The following LRMDA variants were observed in gnomAD, a reference collection of about 807,000 sequenced individuals.
LRMDA encodes the protein leucine rich melanocyte differentiation associated, also known as leucine-rich melanocyte differentiation-associated protein.
In LRMDA, 18 loss-of-function variants were observed where a neutral mutation model predicts 29.8. The ratio of observed to expected loss-of-function variants is 0.60; its 90% CI spans 0.42 to 0.90. The LOEUF is 0.90. Among genes scored for constraint, LRMDA ranks in the 40% least tolerant of loss-of-function variants. The pLI is 0.00. For missense variants in LRMDA, 273 were observed against 273.9 expected (o/e 1.00, Z 0.02); for synonymous variants, 125 against 109.4 (o/e 1.14, Z -0.89).
chr10:76,091,161 G>GT (rs1849224298), intron 5 of LRMDA, among the ~76,000 whole-genome samples: 1 of 152,138 alleles, frequency 6.6e-6, no homozygotes, highest in Admixed American at 6.5e-5. Flanking sequence ...AATATCTGCT[G>GT]TAAGGGTTGT....
intron 5 of LRMDA, among the ~76,000 whole-genome samples, chr10:76,193,780 A>C (rs1391689210): frequency 6.6e-6 from 1 of 152,102 alleles, no homozygotes; most frequent in Non-Finnish European, 1.5e-5. Context: ...GGCCCTAGGG[A>C]GTCAGAGATC....
chr10:76,363,171 A>AGGGAGGG (rs1564520638), intron 6 of LRMDA, among the ~76,000 whole-genome samples: 15 of 32,548 alleles, frequency 4.6e-4, no homozygotes, highest in Non-Finnish European at 8.8e-4. Context: ...GAAAGAAAGA[A>AGGGAGGG]AGAAAGGAGG....
chr10:75,881,850 G>C (rs745824118), intron 2 of LRMDA, among the ~76,000 whole-genome samples: 1 of 152,106 alleles, frequency 6.6e-6, no homozygotes, highest in African/African-American at 2.4e-5. Context: ...TGCGCATTTT[G>C]TCCAATTCTT....
At chr10:76,128,764 G>A (rs1272241098) in intron 5 of LRMDA, among the ~76,000 whole-genome samples, 2 of 152,164 alleles carry the variant, frequency 1.3e-5, no homozygotes, top group Non-Finnish European at 2.9e-5. Context: ...GACCTTTTTG[G>A]TTGACACAAT....
rs114396140 is a variant in LRMDA, at chr10:76,072,431, T to C, written c.516+13648T>C. Among the ~76,000 whole-genome samples the C allele has an allele frequency of 2.0e-3, 302 of 152,262 alleles. 5 individuals are homozygous for C. The highest frequency in any genetic ancestry group is 7.1e-3 in the African/African-American group (295 of 41,538). ...ACATCTGACACCAGTGCTTGGCACA[T>C]AGTAGGTGCTCAGTAAAGAGAAACA... is the stretch of plus-strand genomic sequence containing the variant. On this transcript the variant is annotated intron_variant, in intron 5 of 6. Transcript: ENST00000611255.
intron 2 of LRMDA, among the ~76,000 whole-genome samples, chr10:75,651,518 A>T (rs1408520908): frequency 6.6e-6 from 1 of 152,212 alleles, no homozygotes; most frequent in Non-Finnish European, 1.5e-5. Flanking sequence ...TTCTCTGGAC[A>T]CTCAAGGAAA....
chr10:76,471,797 T>C (rs1485865251), intron 6 of LRMDA, among the ~76,000 whole-genome samples: 1 of 151,626 alleles, frequency 6.6e-6, no homozygotes, highest in Admixed American at 6.6e-5. Context: ...AAAAATAGAC[T>C]TTAAGACAGA....
At chr10:76,294,783 A>C (rs1424846700) in intron 5 of LRMDA, among the ~76,000 whole-genome samples, 1 of 152,224 alleles carries the variant, frequency 6.6e-6, no homozygotes, top group Non-Finnish European at 1.5e-5. Context: ...GCAGTGTTTC[A>C]AATCAAAGGC....
At chr10:75,534,361 A>G (rs966994846) in intron 2 of LRMDA, among the ~76,000 whole-genome samples, 1 of 152,168 alleles carries the variant, frequency 6.6e-6, no homozygotes, top group Non-Finnish European at 1.5e-5. Flanking sequence ...GTACTTTAAA[A>G]CAGAAGTTAA....
chr10:76,015,316 G>T (rs1847862341), intron 2 of LRMDA, among the ~76,000 whole-genome samples: 1 of 152,244 alleles, frequency 6.6e-6, no homozygotes, highest in South Asian at 2.1e-4. Flanking sequence ...GAACAGGGCT[G>T]CAGTCCTGTC....
chr10:76,144,886 A>G (rs1160711077), intron 5 of LRMDA, among the ~76,000 whole-genome samples: 1 of 152,170 alleles, frequency 6.6e-6, no homozygotes, highest in Non-Finnish European at 1.5e-5. Context: ...TAATTTATTG[A>G]GAGTTTTTAG....
chr10:76,380,396 A>C (rs1177645106), intron 6 of LRMDA, among the ~76,000 whole-genome samples: 1 of 152,180 alleles, frequency 6.6e-6, no homozygotes, highest in African/African-American at 2.4e-5. Flanking sequence ...TAGGCCAGGC[A>C]TGATGGCTCA....
chr10:76,517,144 G>C (rs577225141), intron 6 of LRMDA, among the ~76,000 whole-genome samples: 1 of 152,188 alleles, frequency 6.6e-6, no homozygotes, highest in Non-Finnish European at 1.5e-5. Flanking sequence ...ACAAATCAAA[G>C]TTCCAGGAAG....
At chr10:76,378,000 A>C (rs4746389) in intron 6 of LRMDA, among the ~76,000 whole-genome samples, 1 of 151,842 alleles carries the variant, frequency 6.6e-6, no homozygotes, top group Non-Finnish European at 1.5e-5. Flanking sequence ...ACAATATTTG[A>C]CTTTTTAATC....
In LRMDA at chr10:76,052,824, TCACCCCCACCCCTCAC is replaced by T. The variant is rs572135683; in HGVS notation, c.398+5530_398+5545del. Among the ~76,000 whole-genome samples the T allele has an allele frequency of 5.3e-5, 8 of 152,150 alleles. No homozygotes were observed. The East Asian group carries it at 1.6e-3, about 30-fold the overall frequency. On this transcript the variant is annotated intron_variant, in intron 4 of 6. Transcript: ENST00000611255. The stretch of plus-strand genomic sequence containing the variant: ...TCTCAGCCAAGAGCACCTCTGACTC[TCACCCCCACCCCTCAC>T]CACCCCCAGCCTTGGGGGCTTTCCC...
At chr10:76,370,571 C>T (rs1019707575) in intron 6 of LRMDA, among the ~76,000 whole-genome samples, 55 of 152,194 alleles carry the variant, frequency 3.6e-4, no homozygotes, top group Admixed American at 4.6e-4. Context: ...CAGTTACCCA[C>T]GATCAACTGC....
intron 6 of LRMDA, among the ~76,000 whole-genome samples, chr10:76,486,425 T>C (rs1486607625): frequency 6.6e-6 from 1 of 151,976 alleles, no homozygotes; most frequent in Non-Finnish European, 1.5e-5. Context: ...AGATTTGTTT[T>C]GTTTTTTGGC....
intron 2 of LRMDA, among the ~76,000 whole-genome samples, chr10:75,850,663 GT>G (rs1246983532): frequency 6.6e-5 from 10 of 152,110 alleles, no homozygotes; most frequent in African/African-American, 2.4e-4. Flanking sequence ...AATACACAGG[GT>G]TTGGGGGTTA....
intron 5 of LRMDA, among the ~76,000 whole-genome samples, chr10:76,285,534 C>A (rs1840261685): frequency 6.6e-6 from 1 of 152,098 alleles, no homozygotes; most frequent in Admixed American, 6.6e-5. Context: ...TGTTTTCATG[C>A]CCGCATTGGC....
Sources: allele counts gnomAD v4.1 joint callset (sites outside exome capture counted in the v4.1 genomes callset), GRCh38; gene constraint gnomAD v4.1.1; transcripts MANE v1.5; gene names NCBI Gene and HGNC (gene_info 2026-07-23, HGNC 2026-07-21).